ABR: variants seen among roughly 807,000 people sequenced by gnomAD.
ABR encodes ABR activator of RhoGEF and GTPase.
ABR carries 35 observed loss-of-function variants against 107.2 expected under a neutral mutation model. The ratio of observed to expected loss-of-function variants is 0.33; its 90% confidence interval spans 0.25 to 0.43. The LOEUF is 0.43. ABR is among the 20% of genes least tolerant of loss of function. ABR has a pLI of 1.00. For missense variants in ABR, 815 were observed against 1,115.2 expected, an observed-to-expected ratio of 0.73 and a Z score of 3.83; for synonymous variants, 498 against 462.0, an observed-to-expected ratio of 1.08 and a Z score of -1.00.
intron 1 of ABR, among the ~76,000 whole-genome samples, chr17:1,223,397 A>C (rs1319103374): frequency 1.3e-5 from 2 of 151,874 alleles, no homozygotes; most frequent in African/African-American, 4.8e-5. Context: ...ATTCTCTTGC[A>C]TTTAATCTTC....
chr17:1,135,377 C>CTTTTTTTTTTTT (rs71148437), intron 1 of ABR, among the ~76,000 whole-genome samples: 1 of 51,382 alleles, frequency 1.9e-5, no homozygotes, highest in Non-Finnish European at 5.8e-5. Flanking sequence ...TTCTTTTTGT[C>CTTTTTTTTTTTT]TTTTTTTTTT....
intron 16 of ABR, among the ~76,000 whole-genome samples, chr17:1,016,333 T>TC (rs2071155406): frequency 6.6e-6 from 1 of 151,530 alleles, no homozygotes; most frequent in Non-Finnish European, 1.5e-5. Flanking sequence ...TTTTTTTTTT[T>TC]TGAGACGGAG....
intron 14 of ABR, among the ~76,000 whole-genome samples, chr17:1,054,552 C>T (rs76864561): frequency 0.86 from 22,502 of 26,244 alleles, 9,797 homozygotes; most frequent in East Asian, 0.96. Context: ...CCTGAGGGGA[C>T]GGGGGCACAA....
At chr17:1,163,474 G>C (rs2041387858) in intron 1 of ABR, among the ~76,000 whole-genome samples, 1 of 152,008 alleles carries the variant, frequency 6.6e-6, no homozygotes, top group African/African-American at 2.4e-5. Context: ...ACACAGCACT[G>C]AATCCAGACG....
intron 1 of ABR, among the ~76,000 whole-genome samples, chr17:1,130,728 G>A (rs2258815): frequency 0.39 from 59,978 of 152,020 alleles, 11,943 homozygotes; most frequent in South Asian, 0.45. Flanking sequence ...CGATTAACCG[G>A]TGGGTCCTAA....
Position 1,174,107 on chromosome 17 carries a change from A to C in ABR, c.61+5560T>G, listed in dbSNP as rs558524949. ...AGGCAGAGCCTCCCCGCCATTCCCC[A>C]TCTTCCATCCTCCTAACAGCATCTT... On this transcript the variant is annotated intron_variant, in intron 1 of 22. Transcript: ENST00000302538. 2.0e-3 allele frequency among the ~76,000 whole-genome samples: 308 copies of C among 152,224 alleles called. 1 individual carries two copies. Among genetic ancestry groups the C allele is most frequent in the African/African-American group, 7.0e-3 (292 of 41,542 alleles).
chr17:1,105,553 G>C (rs1360670913), intron 2 of ABR, among the ~76,000 whole-genome samples: 1 of 152,066 alleles, frequency 6.6e-6, no homozygotes, highest in Non-Finnish European at 1.5e-5. Flanking sequence ...CAGAAATAGA[G>C]ATGTTTCAGA....
intron 16 of ABR, among the ~76,000 whole-genome samples, chr17:1,021,619 C>CACA (rs2071652220): frequency 6.6e-6 from 1 of 150,980 alleles, no homozygotes; most frequent in Non-Finnish European, 1.5e-5. Context: ...ACCTGACCAA[C>CACA]GTGGCGAAAC....
intron 16 of ABR, among the ~76,000 whole-genome samples, chr17:1,024,169 G>T (rs1321592092): frequency 6.6e-6 from 1 of 152,170 alleles, no homozygotes; most frequent in East Asian, 1.9e-4. Context: ...CAGGGCCCAG[G>T]TCAGCTCTGA....
At chr17:1,223,115 T>C (rs571177624) in intron 1 of ABR, among the ~76,000 whole-genome samples, 1 of 151,052 alleles carries the variant, frequency 6.6e-6, no homozygotes, top group Admixed American at 6.6e-5. Flanking sequence ...GGCTGGAGAA[T>C]TGCTTGAACT....
Position 1,009,713 on chromosome 17 carries a change from T to C in ABR, c.2308A>G (p.Ile770Val). Residue 770 changes from isoleucine to valine, a missense_variant, in exon 21 of 23, where the codon ATC becomes GTC. Coordinates refer to ENST00000302538, the MANE Select transcript of ABR (RefSeq NM_021962.5). Reference sequence around the variant, plus strand: ...TGTTCCAGCAGGAAGAGGAAGGTGATGAGGTTGGGGTCGGGCAGGGAGCGG... The same window carrying C: ...TGTTCCAGCAGGAAGAGGAAGGTGACGAGGTTGGGGTCGGGCAGGGAGCGG... ...LLRSLPDPNL[I>V]TFLFLLEHLK... The C allele has an allele frequency of 6.2e-7, 1 of 1,613,980 alleles. No homozygotes were observed. Among genetic ancestry groups the C allele is most frequent in the Non-Finnish European group, 8.5e-7 (1 of 1,179,936 alleles).
chr17:1,040,485 T>C (rs1269721770), intron 16 of ABR, among the ~76,000 whole-genome samples: 1 of 152,246 alleles, frequency 6.6e-6, no homozygotes, highest in African/African-American at 2.4e-5. Flanking sequence ...GGCCCCAGCC[T>C]TGACTTCCCC....
At chr17:1,204,403 C>T (rs1250001225) in intron 1 of ABR, among the ~76,000 whole-genome samples, 3 of 152,234 alleles carry the variant, frequency 2.0e-5, no homozygotes, top group Non-Finnish European at 4.4e-5. Flanking sequence ...CGAGATTGCG[C>T]CACTGCGCTC....
intron 1 of ABR, among the ~76,000 whole-genome samples, chr17:1,142,763 T>C (rs930061217): frequency 6.6e-6 from 1 of 152,042 alleles, no homozygotes; most frequent in Admixed American, 6.5e-5. Flanking sequence ...TTGCTCTGAT[T>C]GTGAACCACA....
intron 16 of ABR, among the ~76,000 whole-genome samples, chr17:1,042,259 G>C (rs1488723793): frequency 6.6e-6 from 1 of 150,482 alleles, no homozygotes; most frequent in African/African-American, 2.5e-5. Flanking sequence ...TGAATGGATG[G>C]ATAAACAGAC....
At position 1,032,619 on chromosome 17, in the gene ABR, G is replaced by A. The variant is rs1214092504; in HGVS notation, c.1791+17431C>T. The stretch of plus-strand genomic sequence containing the variant: ...GCAACCACCCGCGTCCGTGCTGGGC[G>A]CAGAGGACGCCACGGGCAACCACCC... On this transcript the variant is annotated intron_variant, in intron 16 of 22. Coordinates refer to ENST00000302538, the MANE Select transcript of ABR (RefSeq NM_021962.5). Among the ~76,000 whole-genome samples the A allele has an allele frequency of 3.4e-5, 3 of 87,886 alleles. No individual in the cohort carries two copies. In the East Asian group the frequency reaches 7.2e-4, roughly 21 times the overall value. 57.7% of individuals were successfully genotyped at this position (87,886 alleles called of 152,430 possible).
rs117380445 is a variant in ABR, at chr17:1,061,221, G to A, written c.1183-2354C>T. On this transcript the variant is annotated intron_variant, in intron 10 of 22. Coordinates refer to ENST00000302538, the MANE Select transcript of ABR (RefSeq NM_021962.5). ...GACTGTTGACTCGACTGGGCACAAGGCCACGTCTGCACAGCTGGGGCAACG... is the reference window on the plus strand; with the variant it reads ...GACTGTTGACTCGACTGGGCACAAGACCACGTCTGCACAGCTGGGGCAACG... Among the ~76,000 whole-genome samples the A allele has an allele frequency of 7.2e-4, 109 of 151,768 alleles. 2 individuals are homozygous for A. In the East Asian group the frequency reaches 0.02, roughly 28 times the overall value.
intron 1 of ABR, among the ~76,000 whole-genome samples, chr17:1,127,361 G>A (rs1392966167): frequency 6.6e-6 from 1 of 152,206 alleles, no homozygotes; most frequent in Non-Finnish European, 1.5e-5. Context: ...ATGTGTGTAG[G>A]CCACGCACCT....
chr17:1,199,173 C>G (rs556755144), intron 1 of ABR, among the ~76,000 whole-genome samples: 8 of 150,768 alleles, frequency 5.3e-5, no homozygotes, highest in Middle Eastern at 3.4e-3. Flanking sequence ...GTCAGGGTCA[C>G]GAATGCCTGG....
Sources: gnomAD v4.1 joint callset for allele counts (sites outside exome capture counted in the v4.1 genomes callset) on GRCh38, gnomAD v4.1.1 for gene constraint, MANE v1.5 for transcripts, NCBI Gene and HGNC (gene_info 2026-07-23, HGNC 2026-07-21) for gene names.